The following KLHL7 variants were observed in gnomAD, a reference collection of about 807,000 sequenced individuals.
KLHL7 encodes kelch-like protein 7.
In KLHL7, 44 loss-of-function variants were observed where a neutral mutation model predicts 67.4. The ratio of observed to expected loss-of-function variants is 0.65; its 90% confidence interval spans 0.51 to 0.84. KLHL7 has a LOEUF of 0.84. KLHL7 is among the 40% of genes least tolerant of loss of function. KLHL7 has a pLI of 0.00. For synonymous variants in KLHL7, 252 were observed against 243.3 expected, an observed-to-expected ratio of 1.04 and a Z score of -0.33; for missense variants, 362 against 718.1, an observed-to-expected ratio of 0.50 and a Z score of 5.67.
chr7:23,115,751 G>A lies in KLHL7; in HGVS notation c.121-8026G>A, dbSNP rs574958564. Among the ~76,000 whole-genome samples the A allele has an allele frequency of 4.6e-5, 7 of 152,096 alleles. No individual in the cohort carries two copies. In the East Asian group the frequency reaches 9.7e-4, roughly 21 times the overall value. On this transcript the variant is annotated intron_variant, in intron 1 of 10. Transcript: ENST00000339077. ...GTAGAGACGGGGTTTTACCATGTTA[G>A]CCAGGATGTCCTCGATCTCCTGACC...
chr7:23,152,020 G>T, intron 6 of KLHL7, 47 bp from the exon 7 acceptor site: 1 of 1,599,900 alleles, frequency 6.3e-7, no homozygotes, highest in Non-Finnish European at 8.6e-7. Context: ...TCAAAGCACT[G>T]GTTAGTGCCT....
intron 1 of KLHL7, among the ~76,000 whole-genome samples, chr7:23,121,370 T>A (rs1030139933): frequency 6.6e-6 from 1 of 152,066 alleles, no homozygotes; most frequent in African/African-American, 2.4e-5. Context: ...CACTGCAACC[T>A]CCACCTCTGG....
At chr7:23,124,917 T>C in intron 3 of KLHL7, 131 bp from the exon 4 acceptor site, 1 of 1,071,352 alleles carries the variant, frequency 9.3e-7, no homozygotes. Context: ...CAGTATCCTA[T>C]GCCATACTAA....
intron 1 of KLHL7, chr7:23,106,479 GC>G (rs1489050122): frequency 3.4e-6 from 4 of 1,192,912 alleles, no homozygotes; most frequent in East Asian, 1.1e-4. Flanking sequence ...CCATTGGCGA[GC>G]CGTTTTAAGG....
chr7:23,116,093 A>C (rs1221906073), intron 1 of KLHL7, among the ~76,000 whole-genome samples: 3 of 152,252 alleles, frequency 2.0e-5, no homozygotes, highest in African/African-American at 4.8e-5. Context: ...GCAGTTCTGC[A>C]GAGCACAGTT....
chr7:23,171,228 G>A, intron 9 of KLHL7: 1 of 301,804 alleles, frequency 3.3e-6, no homozygotes, highest in Non-Finnish European at 6.8e-6. Context: ...GCAGATAGCG[G>A]GGACCTAGTA....
intron 9 of KLHL7, among the ~76,000 whole-genome samples, chr7:23,171,758 G>A (rs1484520574): frequency 6.6e-6 from 1 of 152,236 alleles, no homozygotes; most frequent in Non-Finnish European, 1.5e-5. Context: ...CGCCCAGGCT[G>A]CAGTGCAGTG....
chr7:23,172,951 G>C lies in KLHL7; in HGVS notation c.1383G>C (p.Trp461Cys), dbSNP rs1481696868. Reference sequence around the variant, plus strand: ...CTAAAAACTTTAATTTTTTCAGATGGACTGAGCTGTGTCCAATGATTGAAG... The same window carrying C: ...CTAAAAACTTTAATTTTTTCAGATGCACTGAGCTGTGTCCAATGATTGAAG... ...CEVYDPATET[W>C]TELCPMIEAR... The change falls in exon 10 of 11, where the codon TGG (tryptophan) becomes TGC (cysteine). Residue 461 changes from tryptophan to cysteine, a missense_variant. Transcript: ENST00000339077. 6 of 1,612,680 alleles carry C rather than the reference G, an allele frequency of 3.7e-6. No homozygotes were observed. Among genetic ancestry groups the C allele is most frequent in the Non-Finnish European group, 5.1e-6 (6 of 1,178,844 alleles).
intron 1 of KLHL7, among the ~76,000 whole-genome samples, chr7:23,122,858 C>G (rs1457009990): frequency 6.6e-6 from 1 of 152,118 alleles, no homozygotes; most frequent in Non-Finnish European, 1.5e-5. Flanking sequence ...ATTTTTTTTA[C>G]TCTGAATATA....
intron 1 of KLHL7, among the ~76,000 whole-genome samples, chr7:23,121,196 C>A (rs1783321181): frequency 6.6e-6 from 1 of 152,162 alleles, no homozygotes. Context: ...AATATTATTC[C>A]ATGGTGTATA....
intron 5 of KLHL7, among the ~76,000 whole-genome samples, chr7:23,141,600 A>G (rs1470732958): frequency 1.3e-5 from 2 of 151,818 alleles, no homozygotes; most frequent in African/African-American, 4.9e-5. Flanking sequence ...GTGGGAGAAC[A>G]CTTTATTTAA....
intron 4 of KLHL7, among the ~76,000 whole-genome samples, chr7:23,126,419 A>T (rs181482905): frequency 4.0e-4 from 61 of 152,350 alleles, no homozygotes; most frequent in Non-Finnish European, 7.1e-4. Flanking sequence ...CTTTAAAGAA[A>T]GGGAAGAGCG....
intron 1 of KLHL7, among the ~76,000 whole-genome samples, chr7:23,118,635 T>C (rs545286961): frequency 3.9e-5 from 6 of 152,328 alleles, no homozygotes; most frequent in African/African-American, 1.2e-4. Flanking sequence ...AGTACTTACC[T>C]TCCCAGGGGA....
chr7:23,121,668 G>A (rs1439186634), intron 1 of KLHL7, among the ~76,000 whole-genome samples: 1 of 144,302 alleles, frequency 6.9e-6, no homozygotes, highest in East Asian at 2.0e-4. Context: ...TTCACTATAG[G>A]TCAGTCCCAT....
chr7:23,160,147 T>C (rs1033681389), intron 7 of KLHL7, among the ~76,000 whole-genome samples: 25 of 152,220 alleles, frequency 1.6e-4, no homozygotes, highest in Admixed American at 9.2e-4. Context: ...ATACTATTGC[T>C]TTCTGGGATT....
rs771219257 is a variant in KLHL7 at position 23,105,967 on chromosome 7, A to G, written c.-60A>G. ...GGTCGATAGAATCCCCAGTGTGCCC[A>G]GAGAGTGCGACCCCTCGCCCGGCCC... is the stretch of plus-strand genomic sequence containing the variant. On this transcript the variant is annotated 5_prime_UTR_variant, in exon 1 of 11. Coordinates refer to ENST00000339077, the MANE Select transcript of KLHL7 (RefSeq NM_001031710.3). The G allele has an allele frequency of 3.2e-6, 5 of 1,583,866 alleles. No individual in the cohort carries two copies. Among genetic ancestry groups the G allele is most frequent in the African/African-American group, 1.3e-5 (1 of 74,870 alleles).
At chr7:23,167,200 G>T (rs1785027713) in intron 8 of KLHL7, among the ~76,000 whole-genome samples, 1 of 151,758 alleles carries the variant, frequency 6.6e-6, no homozygotes. Flanking sequence ...AACTCCTACA[G>T]TGTGTAGAAG....
At chr7:23,117,914 C>G (rs1195291029) in intron 1 of KLHL7, 1 of 1,614,016 alleles carries the variant, frequency 6.2e-7, no homozygotes, top group African/African-American at 1.3e-5. Context: ...TGATATCATG[C>G]TGGGAGGGAC....
chr7:23,154,271 C>A (rs1830275), intron 7 of KLHL7, among the ~76,000 whole-genome samples: 140,853 of 152,200 alleles, frequency 0.93, 65,359 homozygotes, highest in East Asian at 0.99. Flanking sequence ...AGGAGAATCA[C>A]TTGAACCCAG....
Sources: gnomAD v4.1 joint callset for allele counts (sites outside exome capture counted in the v4.1 genomes callset) on GRCh38, gnomAD v4.1.1 for gene constraint, MANE v1.5 for transcripts, NCBI Gene and HGNC (gene_info 2026-07-23, HGNC 2026-07-21) for gene names.